ZMIZ1: variants seen among roughly 807,000 people sequenced by gnomAD.
The protein encoded by ZMIZ1 is zinc finger MIZ-type containing 1, also known as zinc finger MIZ domain-containing protein 1.
ZMIZ1 carries 17 observed loss-of-function variants against 113.9 expected under a neutral mutation model. The ratio of observed to expected loss-of-function variants is 0.15; its 90% CI spans 0.10 to 0.22. The LOEUF (loss-of-function observed/expected upper bound fraction) is 0.22, where lower values mean the gene tolerates loss of function less well. ZMIZ1 is among the 10% of genes least tolerant of loss of function. The pLI is 1.00. For synonymous variants in ZMIZ1, 607 were observed against 603.1 expected (o/e 1.01, Z -0.09); for missense variants, 1,059 against 1,477.8 (o/e 0.72, Z 4.65).
chr10:79,274,794 C>T (rs117917321), intron 7 of ZMIZ1, among the ~76,000 whole-genome samples: 2,070 of 152,332 alleles, frequency 0.014, 21 homozygotes, highest in Non-Finnish European at 0.022. Context: ...AGCCAGCCTG[C>T]CTTTATTCCC....
At chr10:79,268,934 C>CTGCAG (rs1851767277) in intron 7 of ZMIZ1, among the ~76,000 whole-genome samples, 2 of 152,112 alleles carry the variant, frequency 1.3e-5, no homozygotes, top group Non-Finnish European at 2.9e-5. Context: ...TTGGAGCAGG[C>CTGCAG]AAGGAGCAAA....
At chr10:79,180,027 C>T (rs1847048538) in intron 4 of ZMIZ1, among the ~76,000 whole-genome samples, 1 of 152,382 alleles carries the variant, frequency 6.6e-6, no homozygotes, top group Middle Eastern at 3.4e-3. Context: ...CTCCTATCCA[C>T]CTGTCCCCTT....
At chr10:79,183,515 C>T (rs574462440) in intron 4 of ZMIZ1, among the ~76,000 whole-genome samples, 1 of 152,134 alleles carries the variant, frequency 6.6e-6, no homozygotes, top group Non-Finnish European at 1.5e-5. Flanking sequence ...GGTCCCAGAA[C>T]CATCCAGAAT....
At chr10:79,308,374 C>T (rs144167108) in intron 23 of ZMIZ1, among the ~76,000 whole-genome samples, 5 of 152,288 alleles carry the variant, frequency 3.3e-5, no homozygotes, top group East Asian at 3.9e-4. Context: ...CTGAAGCCTC[C>T]GGAGGCTGAA....
intron 7 of ZMIZ1, among the ~76,000 whole-genome samples, chr10:79,240,416 A>C (rs970015417): frequency 3.3e-5 from 5 of 152,160 alleles, no homozygotes; most frequent in African/African-American, 1.2e-4. Flanking sequence ...GAACAAGTGG[A>C]GAAGGCCCTC....
chr10:79,137,255 A>G (rs1009215910), intron 2 of ZMIZ1, among the ~76,000 whole-genome samples: 19 of 152,140 alleles, frequency 1.2e-4, no homozygotes, highest in African/African-American at 3.1e-4. Flanking sequence ...TTCTCACCCT[A>G]TGGACAGCGG....
chr10:79,080,951 C>T (rs1842637324), intron 1 of ZMIZ1, among the ~76,000 whole-genome samples: 1 of 152,036 alleles, frequency 6.6e-6, no homozygotes, highest in Non-Finnish European at 1.5e-5. Context: ...CCTTTGATTC[C>T]CAAGACCATT....
chr10:79,225,004 G>C (rs758673530), intron 7 of ZMIZ1, among the ~76,000 whole-genome samples: 3 of 152,198 alleles, frequency 2.0e-5, no homozygotes, highest in Non-Finnish European at 4.4e-5. Flanking sequence ...GAGAGGCGAG[G>C]AGGAGGAGGC....
At chr10:79,127,043 G>C (rs906878796) in intron 2 of ZMIZ1, among the ~76,000 whole-genome samples, 3 of 152,242 alleles carry the variant, frequency 2.0e-5, no homozygotes, top group African/African-American at 7.2e-5. Context: ...TAAAATGAGA[G>C]ATGCGCCTCC....
chr10:79,120,685 A>C (rs1373491937), intron 2 of ZMIZ1, among the ~76,000 whole-genome samples: 1 of 151,084 alleles, frequency 6.6e-6, no homozygotes, highest in Non-Finnish European at 1.5e-5. Context: ...TGCCGAGAGC[A>C]ATTTTGGGCA....
At chr10:79,092,516 C>A (rs150407905) in intron 1 of ZMIZ1, among the ~76,000 whole-genome samples, 15 of 152,260 alleles carry the variant, frequency 9.9e-5, no homozygotes, top group Non-Finnish European at 2.9e-5. Context: ...GCTTGGGCTG[C>A]GGCTAGGGGT....
chr10:79,216,217 T>C lies in ZMIZ1; in HGVS notation c.223T>C (p.Tyr75His). ...AQQGFDLDLG[Y>H]RLLAVCAANR... ...GCAAGGCTTTGACCTGGACCTCGGC[T>C]ACAGACTGCTGGCTGTGTGTGCTGC... is the stretch of plus-strand genomic sequence containing the variant. Residue 75 changes from tyrosine (Y) to histidine (H), a missense_variant, in exon 7 of 25, where the codon TAC becomes CAC. Around this residue, in one of 6 missense-constraint regions of ZMIZ1, gnomAD observed 272 missense variants for 350.4 expected, o/e 0.78. Transcript: ENST00000334512. The C allele has an allele frequency of 6.4e-7, 1 of 1,573,490 alleles. No individual in the cohort carries two copies. Among genetic ancestry groups the C allele is most frequent in the African/African-American group, 1.4e-5 (1 of 72,864 alleles).
At chr10:79,190,441 C>T (rs183042996) in intron 4 of ZMIZ1, among the ~76,000 whole-genome samples, 126 of 152,314 alleles carry the variant, frequency 8.3e-4, no homozygotes, top group African/African-American at 2.8e-3. Flanking sequence ...GATAGGCCTG[C>T]GCAGATCCCA....
intron 8 of ZMIZ1, chr10:79,285,530 C>T: frequency 2.2e-6 from 1 of 456,088 alleles, no homozygotes; most frequent in Non-Finnish European, 4.4e-6. Context: ...CTTTCTGGGC[C>T]CCAGTGGCCA....
intron 7 of ZMIZ1, among the ~76,000 whole-genome samples, chr10:79,218,337 CG>C: frequency 6.6e-6 from 1 of 151,992 alleles, no homozygotes; most frequent in South Asian, 2.1e-4. Flanking sequence ...TAGCTGGGTG[CG>C]GTGGTGCACG....
rs770336289 is a variant in ZMIZ1 at position 79,146,297 on chromosome 10, GGTA to G, written c.-131+6525_-131+6527del. Among the ~76,000 whole-genome samples the G allele has an allele frequency of 5.9e-5, 9 of 152,288 alleles. 1 individual carries two copies. In the East Asian group the frequency reaches 9.6e-4, roughly 16 times the overall value. On this transcript the variant is annotated intron_variant, in intron 3 of 24. Transcript: ENST00000334512. ...TGTGAGGACAAGCCTGCCACCCTGG[GGTA>G]GTAGCGGAGACACAGATCCCCAATG...
chr10:79,264,805 G>A (rs1851492342), intron 7 of ZMIZ1, among the ~76,000 whole-genome samples: 1 of 152,210 alleles, frequency 6.6e-6, no homozygotes, highest in Admixed American at 6.5e-5. Flanking sequence ...GACTAAGGGG[G>A]CACTTTGCAG....
At chr10:79,260,346 G>A (rs1266099999) in intron 7 of ZMIZ1, among the ~76,000 whole-genome samples, 1 of 152,224 alleles carries the variant, frequency 6.6e-6, no homozygotes, top group Non-Finnish European at 1.5e-5. Flanking sequence ...GAAGAACAAT[G>A]AGGCAGGGGA....
At position 79,069,943 on chromosome 10, in the gene ZMIZ1, C is replaced by G. The variant is rs967706460; in HGVS notation, c.-337+673C>G. ...CAGGGCTTCGCAAGCCAGAGGGGCG[C>G]TCAGGCCAGTGCCTGGACGGGGCTG... On this transcript the variant is annotated intron_variant, in intron 1 of 24. Transcript: ENST00000334512. The surrounding 1 kb of genome is among the most constrained non-coding windows in gnomAD (Gnocchi z 4.6). 6.6e-6 allele frequency among the ~76,000 whole-genome samples: 1 copy of G among 151,726 alleles called. No individual in the cohort carries two copies. Among genetic ancestry groups the G allele is most frequent in the African/African-American group, 2.4e-5 (1 of 41,292 alleles).
Sources: gnomAD v4.1 joint callset for allele counts (sites outside exome capture counted in the v4.1 genomes callset) on GRCh38, gnomAD v4.1.1 for gene constraint, gnomAD v4.1.1 regional missense constraint, Gnocchi (gnomAD v3.1) non-coding constraint, MANE v1.5 for transcripts, NCBI Gene and HGNC (gene_info 2026-07-23, HGNC 2026-07-21) for gene names.